CES1: variants seen among roughly 807,000 people sequenced by gnomAD.
The protein encoded by CES1 is liver carboxylesterase 1.
In CES1, 50 loss-of-function variants were observed where a neutral mutation model predicts 53.0. The ratio of observed to expected loss-of-function variants is 0.94; its 90% CI spans 0.75 to 1.19. The LOEUF is 1.19. CES1 is among the 50% of genes most tolerant of loss of function. The pLI is 0.00. For missense variants in CES1, 534 were observed against 538.0 expected, an observed-to-expected ratio of 0.99 and a Z score of 0.07; for synonymous variants, 202 against 210.1, an observed-to-expected ratio of 0.96 and a Z score of 0.33.
intron 7 of CES1, 100 bp downstream of exon 7, chr16:55,819,435 A>T: frequency 2.3e-6 from 2 of 880,312 alleles, no homozygotes; most frequent in Non-Finnish European, 3.9e-6. Context: ...GAGAGTTGAG[A>T]AATTGTCCCA....
chr16:55,827,492 G>A (rs1444101611), intron 2 of CES1, among the ~76,000 whole-genome samples: 7 of 152,150 alleles, frequency 4.6e-5, no homozygotes, highest in Non-Finnish European at 1.0e-4. Flanking sequence ...GTCAATGGGA[G>A]GAGTGTAGTT....
chr16:55,822,551 A>G (rs1193461469), intron 4 of CES1, among the ~76,000 whole-genome samples: 1 of 152,094 alleles, frequency 6.6e-6, no homozygotes, highest in Non-Finnish European at 1.5e-5. Context: ...CAAGGATTCA[A>G]CTTGTCCCTG....
rs754168362 is a variant in CES1, at chr16:55,812,933, G to A, written c.1056C>T (p.Asn352=). Residue 352 remains asparagine, a synonymous_variant, in exon 9 of 14, where the codon AAC becomes AAT. Transcript: ENST00000360526. ...FHTVPYMVGI[N]KQEFGWLIPM... ...GAATCAACCAGCCAAACTCCTGCTT[G>A]TTAATTCCGACCATGTAGGGGACAG... The A allele has an allele frequency of 1.2e-6, 2 of 1,614,176 alleles. No homozygotes were observed. Among genetic ancestry groups the A allele is most frequent in the South Asian group, 2.2e-5 (2 of 91,084 alleles).
chr16:55,830,502 A>C (rs780802919), intron 1 of CES1, among the ~76,000 whole-genome samples: 49 of 152,284 alleles, frequency 3.2e-4, no homozygotes, highest in Non-Finnish European at 5.4e-4. Flanking sequence ...GATGTCTAAA[A>C]GGTATTTTGA....
At chr16:55,821,900 G>GA (rs1174235206) in intron 4 of CES1, among the ~76,000 whole-genome samples, 13 of 152,236 alleles carry the variant, frequency 8.5e-5, no homozygotes, top group African/African-American at 2.4e-4. Context: ...ATGGAGTAAG[G>GA]AAAAAAACAG....
rs1184443279 is a variant in CES1 at position 55,810,460 on chromosome 16, G to C, written c.1318+57C>G. ...TCTGTCTATGCTGGGAGGTAGGTGG[G>C]TCAGATACAGAAGCTCGTGGGGTTT... On this transcript the variant is annotated intron_variant, in intron 11 of 13. Coordinates refer to ENST00000360526, the MANE Select transcript of CES1 (RefSeq NM_001025195.2). 33 of 1,609,292 alleles carry C rather than the reference G, an allele frequency of 2.1e-5. No individual in the cohort carries two copies. In the Admixed American group the frequency reaches 5.3e-4, roughly 26 times the overall value.
intron 7 of CES1, 103 bp downstream of exon 7, chr16:55,819,432 G>T: frequency 1.2e-6 from 1 of 861,240 alleles, no homozygotes; most frequent in Non-Finnish European, 2.0e-6. Context: ...ACTGAGAGTT[G>T]AGAAATTGTC....
At chr16:55,816,867 T>C in intron 8 of CES1, 57 bp downstream of exon 8, 14 of 1,545,336 alleles carry the variant, frequency 9.1e-6, no homozygotes, top group Non-Finnish European at 1.3e-5. Flanking sequence ...CACAGTTAAT[T>C]GGAGCTTAAA....
chr16:55,822,187 C>T (rs1265987534), intron 4 of CES1, among the ~76,000 whole-genome samples: 3 of 152,210 alleles, frequency 2.0e-5, no homozygotes, highest in Non-Finnish European at 4.4e-5. Flanking sequence ...ATGGGAAGCC[C>T]CTGCAGGGTT....
rs1297740650 is a variant in CES1, at chr16:55,828,943, G to A, written c.84C>T (p.Asp28=). Residue 28 remains aspartate, a synonymous_variant, in exon 2 of 14, where the codon GAC becomes GAT. Transcript: ENST00000360526. The stretch of plus-strand genomic sequence containing the variant: ...TCCCCAGCACTTTGCCATGCACGGT[G>A]TCCACCACAGGTGGCGAGGACGGAT... The part of the protein sequence containing the change: ...AGHPSSPPVV[D]TVHGKVLGKF... The A allele has an allele frequency of 1.9e-6, 3 of 1,613,212 alleles. No homozygotes were observed. In the South Asian group the frequency reaches 3.3e-5, roughly 18 times the overall value.
intron 11 of CES1, among the ~76,000 whole-genome samples, chr16:55,809,460 C>T (rs1217081281): frequency 3.3e-5 from 5 of 152,302 alleles, no homozygotes; most frequent in East Asian, 1.9e-4. Flanking sequence ...GCAGACTAGG[C>T]GAATGAGAGC....
chr16:55,817,937 G>T (rs1195041003), intron 7 of CES1, among the ~76,000 whole-genome samples: 7 of 152,228 alleles, frequency 4.6e-5, no homozygotes, highest in Non-Finnish European at 8.8e-5. Context: ...GATGCCACAT[G>T]CAGAATTGCT....
chr16:55,822,353 G>C (rs1211963064), intron 4 of CES1, among the ~76,000 whole-genome samples: 1 of 152,272 alleles, frequency 6.6e-6, no homozygotes. Flanking sequence ...AGGAGCCAGG[G>C]AAGAGGTGCA....
intron 10 of CES1, 92 bp from the exon 11 acceptor site, chr16:55,810,756 T>A (rs1225929647): frequency 1.0e-5 from 16 of 1,526,000 alleles, no homozygotes; most frequent in Non-Finnish European, 1.5e-5. Context: ...GTGAACCCCA[T>A]AAGCCCTGTG....
At chr16:55,813,273 CAT>C in intron 8 of CES1, among the ~76,000 whole-genome samples, 1 of 152,192 alleles carries the variant, frequency 6.6e-6, no homozygotes, top group Non-Finnish European at 1.5e-5. Flanking sequence ...AATCTTCACT[CAT>C]ATTGAAATAC....
chr16:55,815,009 A>G (rs1286033157), intron 8 of CES1, among the ~76,000 whole-genome samples: 1 of 152,240 alleles, frequency 6.6e-6, no homozygotes, highest in Non-Finnish European at 1.5e-5. Flanking sequence ...ACTACGTGGA[A>G]GAGACGCCGC....
chr16:55,830,740 T>TGGAA (rs1311379302), intron 1 of CES1, among the ~76,000 whole-genome samples: 1 of 64,660 alleles, frequency 1.5e-5, no homozygotes, highest in Non-Finnish European at 3.1e-5. Context: ...GATGGAAGGA[T>TGGAA]GGAAGGAAGG....
chr16:55,818,586 T>C (rs2142330940), intron 7 of CES1, among the ~76,000 whole-genome samples: 1 of 152,176 alleles, frequency 6.6e-6, no homozygotes, highest in Admixed American at 6.5e-5. Context: ...GCATCCCTGA[T>C]TACTACAATG....
chr16:55,809,089 C>A (rs1395126759), intron 11 of CES1, among the ~76,000 whole-genome samples: 6 of 16,346 alleles, frequency 3.7e-4, no homozygotes, highest in Non-Finnish European at 7.2e-4. Context: ...CTGTGTAGTC[C>A]TGGCAAAAAA....
Sources: gnomAD v4.1 joint callset for allele counts (sites outside exome capture counted in the v4.1 genomes callset) on GRCh38, gnomAD v4.1.1 for gene constraint, MANE v1.5 for transcripts, NCBI Gene and HGNC (gene_info 2026-07-23, HGNC 2026-07-21) for gene names.